Variants in TNNI3K observed in about 807,000 individuals in gnomAD.
TNNI3K encodes the protein TNNI3 interacting kinase.
A neutral mutation model predicts 114.5 loss-of-function variants in TNNI3K; 140 were observed. That is an observed-to-expected ratio of 1.22 (90% CI 1.07 to 1.41). The LOEUF (loss-of-function observed/expected upper bound fraction) is 1.41, where lower values mean the gene tolerates loss of function less well. Ranked by LOEUF, TNNI3K falls within the 40% of genes most tolerant of loss-of-function variation. The pLI, the probability that TNNI3K is intolerant of heterozygous loss-of-function variation, is 0.00. For synonymous variants in TNNI3K, 347 were observed against 347.5 expected (o/e 1.00, Z 0.02); for missense variants, 1,125 against 1,007.6 (o/e 1.12, Z -1.58).
In TNNI3K at chr1:74,339,320, C is replaced by A. The variant is rs183174970; in HGVS notation, c.682+3171C>A. ...CATTTTTAAGTATTTTTATTTCTTTCTAGTACACGCTTGATATTTAAGTCC... is the reference window on the plus strand; with the variant it reads ...CATTTTTAAGTATTTTTATTTCTTTATAGTACACGCTTGATATTTAAGTCC... On this transcript the variant is annotated intron_variant, in intron 7 of 24. Transcript: ENST00000326637. Among the ~76,000 whole-genome samples the A allele has an allele frequency of 3.3e-5, 5 of 152,158 alleles. No homozygotes were observed. The East Asian group carries it at 7.7e-4, about 23-fold the overall frequency.
intron 5 of TNNI3K, among the ~76,000 whole-genome samples, chr1:74,293,472 G>A (rs2100295246): frequency 6.6e-6 from 1 of 151,456 alleles, no homozygotes; most frequent in South Asian, 2.1e-4. Context: ...AAATCAGATT[G>A]GTAATTCTGT....
At chr1:74,260,979 G>T (rs1179188301) in intron 4 of TNNI3K, among the ~76,000 whole-genome samples, 1 of 151,888 alleles carries the variant, frequency 6.6e-6, no homozygotes. Context: ...ATTTCAAATA[G>T]CCTTTTTGAT....
intron 10 of TNNI3K, among the ~76,000 whole-genome samples, chr1:74,353,670 G>A (rs577299689): frequency 2.0e-5 from 3 of 151,578 alleles, no homozygotes; most frequent in African/African-American, 7.3e-5. Flanking sequence ...AACCTGTGAT[G>A]GGTCTTTGTT....
intron 23 of TNNI3K, among the ~76,000 whole-genome samples, chr1:74,495,395 T>G (rs774140829): frequency 3.0e-4 from 46 of 152,236 alleles, no homozygotes; most frequent in Non-Finnish European, 5.7e-4. Flanking sequence ...TATCTAGCAG[T>G]ATGATTGGCA....
intron 17 of TNNI3K, among the ~76,000 whole-genome samples, chr1:74,414,101 T>G (rs190495094): frequency 4.6e-5 from 7 of 152,314 alleles, no homozygotes; most frequent in Admixed American, 2.0e-4. Flanking sequence ...ACGGAGCTAT[T>G]GTGTTTATTA....
At chr1:74,320,779 T>C (rs1003994981) in intron 5 of TNNI3K, among the ~76,000 whole-genome samples, 3 of 152,176 alleles carry the variant, frequency 2.0e-5, no homozygotes, top group Non-Finnish European at 2.9e-5. Flanking sequence ...CTTTTGAGTG[T>C]AATTTAGAAG....
At chr1:74,459,658 C>G (rs1294588591) in intron 20 of TNNI3K, among the ~76,000 whole-genome samples, 1 of 152,144 alleles carries the variant, frequency 6.6e-6, no homozygotes, top group African/African-American at 2.4e-5. Context: ...ATAAAATAGT[C>G]AGTACATTTT....
intron 17 of TNNI3K, among the ~76,000 whole-genome samples, chr1:74,408,310 T>C (rs1557548362): frequency 6.6e-6 from 1 of 152,196 alleles, no homozygotes; most frequent in African/African-American, 2.4e-5. Context: ...CATTTACATA[T>C]ACCACCTGTT....
intron 17 of TNNI3K, among the ~76,000 whole-genome samples, chr1:74,383,001 C>T (rs1184409014): frequency 6.6e-6 from 1 of 152,040 alleles, no homozygotes; most frequent in African/African-American, 2.4e-5. Context: ...CTCTGGCAGA[C>T]CTCCTGAATT....
rs779550858 is a variant in TNNI3K, at chr1:74,342,871, C to T, written c.712C>T (p.Pro238Ser). 1 of 1,613,242 alleles carries T rather than the reference C, an allele frequency of 6.2e-7. No homozygotes were observed. The highest frequency in any genetic ancestry group is 1.1e-5 in the South Asian group (1 of 91,058). The change falls in exon 8 of 25, where the codon CCA becomes TCA. Residue 238 changes from proline (P) to serine (S), a missense_variant. Pro to Ser is a moderately conservative substitution (Grantham distance 74). Transcript: ENST00000326637. The stretch of plus-strand genomic sequence containing the variant: ...TGCTCAAGATAATGAAGACCATGTC[C>T]CACTCCATTTCTGTTCTCGATTTGG... ...VNAQDNEDHV[P>S]LHFCSRFGHH... is the part of the protein sequence containing the mutation.
At chr1:74,413,121 C>A (rs1664965515) in intron 17 of TNNI3K, among the ~76,000 whole-genome samples, 1 of 152,150 alleles carries the variant, frequency 6.6e-6, no homozygotes, top group South Asian at 2.1e-4. Context: ...TGTGTTTATT[C>A]TTTCATTCAC....
chr1:74,311,328 A>T (rs184177611), intron 5 of TNNI3K, among the ~76,000 whole-genome samples: 27 of 152,278 alleles, frequency 1.8e-4, no homozygotes, highest in African/African-American at 6.0e-4. Flanking sequence ...GTAGGCTTCT[A>T]GCTGTCAAGA....
chr1:74,416,220 C>T (rs572723894), intron 17 of TNNI3K: 42 of 874,076 alleles, frequency 4.8e-5, no homozygotes, highest in African/African-American at 1.1e-4. Flanking sequence ...AATTCAAAGA[C>T]GTGAGGAGTT....
intron 21 of TNNI3K, among the ~76,000 whole-genome samples, chr1:74,483,805 T>A (rs901928244): frequency 5.3e-5 from 8 of 152,046 alleles, no homozygotes; most frequent in African/African-American, 1.9e-4. Flanking sequence ...TTCAATCCAG[T>A]GTTTCTTCTA....
chr1:74,353,443 T>C (rs2100478606), intron 10 of TNNI3K, 83 bp downstream of exon 10: 10 of 1,471,764 alleles, frequency 6.8e-6, no homozygotes, highest in Non-Finnish European at 7.5e-6. Flanking sequence ...TGTGGGGGCA[T>C]TGGGAGTGCT....
At chr1:74,338,664 C>A (rs1660600772) in intron 7 of TNNI3K, among the ~76,000 whole-genome samples, 1 of 152,066 alleles carries the variant, frequency 6.6e-6, no homozygotes, top group African/African-American at 2.4e-5. Context: ...TAAAGCTAAT[C>A]AATGTTTTTT....
chr1:74,307,399 T>C (rs1034642374), intron 5 of TNNI3K, among the ~76,000 whole-genome samples: 9 of 152,118 alleles, frequency 5.9e-5, no homozygotes, highest in African/African-American at 2.2e-4. Flanking sequence ...ATGTGATGGG[T>C]TTACTTTGAC....
At chr1:74,506,919 T>C (rs1183866712) in intron 23 of TNNI3K, among the ~76,000 whole-genome samples, 1 of 152,220 alleles carries the variant, frequency 6.6e-6, no homozygotes, top group Admixed American at 6.5e-5. Context: ...CATTTACCAC[T>C]TTCTACTTGG....
At position 74,366,872 on chromosome 1, in the gene TNNI3K, A is replaced by G. The variant is rs140670860; in HGVS notation, c.1178-384A>G. 695 of 160,498 alleles carry G rather than the reference A, an allele frequency of 4.3e-3. 10 individuals are homozygous for G. The highest frequency in any genetic ancestry group is 0.016 in the African/African-American group (665 of 41,726). 9.9% of individuals were successfully genotyped at this position (160,498 alleles called of 1,614,324 possible). A position where few individuals can be genotyped will look rare whatever the true frequency, so the allele number is the denominator to read the frequency against. ...TACATCTCTCTTTCCTGATTACTGT[A>G]TGTACTTTTTGCCCTTTTAATAGTG... On this transcript the variant is annotated intron_variant, in intron 11 of 24. Coordinates refer to ENST00000326637, the MANE Select transcript of TNNI3K (RefSeq NM_015978.3).
Sources: gnomAD v4.1 joint callset for allele counts (sites outside exome capture counted in the v4.1 genomes callset) on GRCh38, gnomAD v4.1.1 for gene constraint, MANE v1.5 for transcripts, NCBI Gene and HGNC (gene_info 2026-07-23, HGNC 2026-07-21) for gene names.